The following IGLON5 variants were observed in gnomAD, a reference collection of about 807,000 sequenced individuals.
The protein encoded by IGLON5 is Ig-like domain-containing protein ENSP00000270642.
In IGLON5, 16 loss-of-function variants were observed where a neutral mutation model predicts 38.2. The observed-to-expected ratio is 0.42, with a 90% CI of 0.28 to 0.64. The LOEUF (loss-of-function observed/expected upper bound fraction) is 0.64, where lower values mean the gene tolerates loss of function less well. IGLON5 is among the 30% of genes least tolerant of loss of function. The pLI is 0.23. For missense variants in IGLON5, 366 were observed against 483.4 expected (o/e 0.76, Z 2.28); for synonymous variants, 207 against 216.4 (o/e 0.96, Z 0.38).
chr19:51,313,131 C>T (rs1286279488), intron 1 of IGLON5, among the ~76,000 whole-genome samples: 1 of 152,210 alleles, frequency 6.6e-6, no homozygotes, highest in Non-Finnish European at 1.5e-5. Context: ...CCTGCAGACA[C>T]CAGTCACACA....
chr19:51,322,108 T>C lies in IGLON5; in HGVS notation c.124T>C (p.Tyr42His). The C allele has an allele frequency of 6.2e-7, 1 of 1,613,356 alleles. No homozygotes were observed. Among genetic ancestry groups the C allele is most frequent in the Non-Finnish European group, 8.5e-7 (1 of 1,179,830 alleles). ...SLEFNSPADN[Y>H]TVCEGDNATL... ...GGAGTTCAACTCTCCTGCCGACAAC[T>C]ACACAGTGTGTGAAGGTGACAACGC... Residue 42 changes from tyrosine to histidine, a missense_variant, in exon 2 of 8, where the codon TAC becomes CAC. Coordinates refer to ENST00000270642, the MANE Select transcript of IGLON5 (RefSeq NM_001101372.3).
At chr19:51,322,547 G>C (rs1985092057) in intron 2 of IGLON5, among the ~76,000 whole-genome samples, 1 of 150,868 alleles carries the variant, frequency 6.6e-6, no homozygotes, top group Non-Finnish European at 1.5e-5. Flanking sequence ...TCCTCACCCT[G>C]GTCTCTGTTC....
chr19:51,322,599 GCTCT>G (rs140581541), intron 2 of IGLON5, among the ~76,000 whole-genome samples: 49 of 142,868 alleles, frequency 3.4e-4, no homozygotes, highest in African/African-American at 3.7e-4. Flanking sequence ...TCTCTCGCTT[GCTCT>G]CTCTCTCTCT....
At chr19:51,312,215 G>A (rs1432869992) in intron 1 of IGLON5, among the ~76,000 whole-genome samples, 1 of 151,976 alleles carries the variant, frequency 6.6e-6, no homozygotes, top group Non-Finnish European at 1.5e-5. Context: ...CAGACACCTA[G>A]CCCTGCCTGG....
intron 2 of IGLON5, among the ~76,000 whole-genome samples, chr19:51,322,956 G>T (rs1336986885): frequency 7.4e-6 from 1 of 135,058 alleles, no homozygotes; most frequent in Non-Finnish European, 1.6e-5. Flanking sequence ...TCTGTCTCTG[G>T]GTCTCTGTCC....
intron 4 of IGLON5, 52 bp from the exon 5 acceptor site, chr19:51,326,712 G>T: frequency 2.2e-6 from 3 of 1,337,152 alleles, no homozygotes; most frequent in Non-Finnish European, 3.0e-6. Flanking sequence ...GTGTTGTCCC[G>T]TGTTAAGTGT....
At chr19:51,320,774 G>C (rs1179607205) in intron 1 of IGLON5, among the ~76,000 whole-genome samples, 2 of 152,160 alleles carry the variant, frequency 1.3e-5, no homozygotes, top group Admixed American at 1.3e-4. Context: ...CTGTGTGTCT[G>C]CAGGTCTGTT....
At chr19:51,315,068 C>A (rs1157005316) in intron 1 of IGLON5, among the ~76,000 whole-genome samples, 1 of 152,214 alleles carries the variant, frequency 6.6e-6, no homozygotes, top group African/African-American at 2.4e-5. Flanking sequence ...TCCCTTACAT[C>A]CATAAATATT....
In IGLON5 at chr19:51,329,000, G is replaced by A. The variant is rs1352068862; in HGVS notation, c.*241G>A. The stretch of plus-strand genomic sequence containing the variant: ...ATTCTCGCCACCCGTTCACGTTTCC[G>A]ATTGTGACCCACTCCCGCCACCCCA... On this transcript the variant is annotated 3_prime_UTR_variant, in exon 8 of 8. Coordinates refer to ENST00000270642, the MANE Select transcript of IGLON5 (RefSeq NM_001101372.3). The A allele has an allele frequency of 1.1e-5, 5 of 446,600 alleles. No homozygotes were observed. Among genetic ancestry groups the A allele is most frequent in the Admixed American group, 4.1e-5 (1 of 24,552 alleles). The allele number at this position is 446,600 out of a possible 1,614,324, so 27.7% of individuals were successfully genotyped here. A position where few individuals can be genotyped will look rare whatever the true frequency, so the allele number is the denominator to read the frequency against.
In IGLON5 at chr19:51,327,854, T is replaced by A; in HGVS notation, c.890T>A (p.Leu297Gln). Residue 297 changes from leucine (L) to glutamine (Q), a missense_variant, in exon 7 of 8, where the codon CTG becomes CAG. Leu to Gln is a moderately radical substitution (Grantham distance 113). Coordinates refer to ENST00000270642, the MANE Select transcript of IGLON5 (RefSeq NM_001101372.3). This position sits in a 1 kb window ranked among gnomAD's most constrained non-coding sequence, Gnocchi z 7.1. ...TATACGTGTCGCGCCGCCAACCGAC[T>A]GGGAGCGTCCAGCGCCTCCATGCGG... ...GNYTCRAANR[L>Q]GASSASMRLL... is the part of the protein sequence containing the mutation. The A allele has an allele frequency of 9.5e-6, 14 of 1,479,402 alleles. No individual in the cohort carries two copies. Among genetic ancestry groups the A allele is most frequent in the Non-Finnish European group, 1.3e-5 (14 of 1,105,826 alleles). 91.6% of individuals were successfully genotyped at this position (1,479,402 alleles called of 1,614,324 possible). A position where few individuals can be genotyped will look rare whatever the true frequency, so the allele number is the denominator to read the frequency against.
chr19:51,323,299 T>TCTCTCTCTGGGTCTCTGTCC (rs574968194), intron 2 of IGLON5, among the ~76,000 whole-genome samples: 1 of 151,212 alleles, frequency 6.6e-6, no homozygotes, highest in African/African-American at 2.4e-5. Context: ...TCTCTGTCCT[T>TCTCTCTCTGGGTCTCTGTCC]CTCTCTCTGG....
chr19:51,319,464 C>G (rs533164891), intron 1 of IGLON5, among the ~76,000 whole-genome samples: 1 of 152,196 alleles, frequency 6.6e-6, no homozygotes, highest in South Asian at 2.1e-4. Context: ...GCGTCTGACC[C>G]AGGGCCTTCC....
At chr19:51,313,602 C>CTTCTTTCTCTTTCCTTCT (rs1555750446) in intron 1 of IGLON5, among the ~76,000 whole-genome samples, 40 of 147,478 alleles carry the variant, frequency 2.7e-4, no homozygotes, top group African/African-American at 9.1e-4. Flanking sequence ...TTTCTCTTTC[C>CTTCTTTCTCTTTCCTTCT]TTCTTTCTTT....
At position 51,325,057 on chromosome 19, in the gene IGLON5, A is replaced by G. The variant is rs1985177905; in HGVS notation, c.392-289A>G. On this transcript the variant is annotated intron_variant, in intron 3 of 7. Transcript: ENST00000270642. The surrounding 1 kb of genome is among the most constrained non-coding windows in gnomAD (Gnocchi z 5.5). ...AAGGTGGAGAGAGAATAGAGACAAG[A>G]CCAGCAATTAGACAAGAAGATGCCA... Among the ~76,000 whole-genome samples the G allele has an allele frequency of 6.6e-6, 1 of 152,076 alleles. No homozygotes were observed. The highest frequency in any genetic ancestry group is 1.5e-5 in the Non-Finnish European group (1 of 68,022).
chr19:51,328,531 G>T, intron 7 of IGLON5, 140 bp from the exon 8 acceptor site: 1 of 424,572 alleles, frequency 2.4e-6, no homozygotes, highest in Non-Finnish European at 4.3e-6. Flanking sequence ...AAGAAACAGA[G>T]TCAGAAAAGC....
chr19:51,325,101 A>G lies in IGLON5; in HGVS notation c.392-245A>G, dbSNP rs1454179661. 6.6e-6 allele frequency among the ~76,000 whole-genome samples: 1 copy of G among 152,090 alleles called. No homozygotes were observed. Among genetic ancestry groups the G allele is most frequent in the Non-Finnish European group, 1.5e-5 (1 of 68,012 alleles). On this transcript the variant is annotated intron_variant, in intron 3 of 7. Transcript: ENST00000270642. The surrounding 1 kb of genome is among the most constrained non-coding windows in gnomAD (Gnocchi z 5.5). The stretch of plus-strand genomic sequence containing the variant: ...GATGCCAGGCCCAGACAGAGGTTTC[A>G]GAGAAAAAGGCAGAGACTCCTGGGT...
intron 7 of IGLON5, among the ~76,000 whole-genome samples, 200 bp downstream of exon 7, chr19:51,328,086 C>T (rs1247026943): frequency 6.6e-6 from 1 of 152,182 alleles, no homozygotes; most frequent in African/African-American, 2.4e-5. Context: ...TCGTGGGGGA[C>T]GCAGCTGTGC....
Position 51,326,909 on chromosome 19 carries a change from CT to C in IGLON5, c.646+12del, listed in dbSNP as rs772546168. ...TGGTCACAGTCAACTGTGAGCCCCC[CT>C]GGCACTGGGCACGAAAGGGTGGCGG... On this transcript the variant is annotated intron_variant, in intron 5 of 7. Transcript: ENST00000270642. 1.1e-5 allele frequency: 17 copies of C among 1,570,340 alleles called. No individual in the cohort carries two copies. The highest frequency in any genetic ancestry group is 6.8e-5 in the African/African-American group (5 of 73,982).
At position 51,329,827 on chromosome 19, in the gene IGLON5, GACACAC is replaced by G. The variant is rs60928654; in HGVS notation, c.*1091_*1096del. ...CACCACACACACATACACACACACA[GACACAC>G]ACACACACACACACACACACACCAG... On this transcript the variant is annotated 3_prime_UTR_variant, in exon 8 of 8. Coordinates refer to ENST00000270642, the MANE Select transcript of IGLON5 (RefSeq NM_001101372.3). The surrounding 1 kb of genome is among the most constrained non-coding windows in gnomAD (Gnocchi z 4.3). 159 of 147,170 alleles carry G rather than the reference GACACAC, an allele frequency of 1.1e-3. No individual in the cohort carries two copies. The highest frequency in any genetic ancestry group is 1.5e-3 in the Non-Finnish European group (99 of 66,098). 9.1% of individuals were successfully genotyped at this position (147,170 alleles called of 1,614,324 possible).
Sources: gnomAD v4.1 joint callset for allele counts (sites outside exome capture counted in the v4.1 genomes callset) on GRCh38, gnomAD v4.1.1 for gene constraint, Gnocchi (gnomAD v3.1) non-coding constraint, MANE v1.5 for transcripts, NCBI Gene and HGNC (gene_info 2026-07-23, HGNC 2026-07-21) for gene names.